IGF1R: variants seen among roughly 807,000 people sequenced by gnomAD.
The protein encoded by IGF1R is insulin like growth factor 1 receptor.
IGF1R carries 44 observed loss-of-function variants against 144.6 expected under a neutral mutation model. The ratio of observed to expected loss-of-function variants is 0.30; its 90% CI spans 0.24 to 0.39. The LOEUF (loss-of-function observed/expected upper bound fraction) is 0.39, where lower values mean the gene tolerates loss of function less well. IGF1R is among the 10% of genes least tolerant of loss of function. The pLI is 1.00. For synonymous variants in IGF1R, 795 were observed against 722.8 expected (o/e 1.10, Z -1.60); for missense variants, 1,355 against 1,833.7 (o/e 0.74, Z 4.77).
At chr15:98,874,341 T>C (rs1278491285) in intron 2 of IGF1R, among the ~76,000 whole-genome samples, 1 of 152,136 alleles carries the variant, frequency 6.6e-6, no homozygotes, top group Non-Finnish European at 1.5e-5. Flanking sequence ...GAAGTCTGTT[T>C]GGCAGGGTGG....
intron 2 of IGF1R, among the ~76,000 whole-genome samples, chr15:98,755,718 C>CAAAAAAAAAAAAAAAAAAAAAA (rs56121011): frequency 8.7e-5 from 3 of 34,504 alleles, no homozygotes; most frequent in African/African-American, 3.1e-4. Context: ...AACTCCATTG[C>CAAAAAAAAAAAAAAAAAAAAAA]AAAAAAAAAA....
intron 2 of IGF1R, among the ~76,000 whole-genome samples, chr15:98,731,539 C>T (rs1026002792): frequency 6.6e-6 from 1 of 152,106 alleles, no homozygotes; most frequent in African/African-American, 2.4e-5. Flanking sequence ...ATCTGTGTAT[C>T]GAAACTGCAG....
At chr15:98,932,971 A>G (rs1323895438) in intron 15 of IGF1R, among the ~76,000 whole-genome samples, 1 of 152,180 alleles carries the variant, frequency 6.6e-6, no homozygotes, top group Non-Finnish European at 1.5e-5. Flanking sequence ...TGGGATATGG[A>G]GATGTTAGGA....
intron 13 of IGF1R, among the ~76,000 whole-genome samples, chr15:98,927,914 G>C (rs1456561999): frequency 6.6e-6 from 1 of 152,156 alleles, no homozygotes; most frequent in Non-Finnish European, 1.5e-5. Flanking sequence ...ACGTCCCAGA[G>C]AGGTCTCAGA....
At chr15:98,773,224 C>T (rs1338106016) in intron 2 of IGF1R, among the ~76,000 whole-genome samples, 1 of 151,998 alleles carries the variant, frequency 6.6e-6, no homozygotes, top group Non-Finnish European at 1.5e-5. Context: ...ATGTACAGTC[C>T]CATCCAGAGA....
At chr15:98,728,456 A>G (rs62024488) in intron 2 of IGF1R, among the ~76,000 whole-genome samples, 47,930 of 152,218 alleles carry the variant, frequency 0.31, 7,750 homozygotes, top group South Asian at 0.39. Context: ...ACCTCCCAGC[A>G]AGAGGGCCTG....
chr15:98,913,162 G>A lies in IGF1R; in HGVS notation c.1708G>A (p.Gly570Arg), dbSNP rs2151677110. 1 of 1,614,204 alleles carries A rather than the reference G, an allele frequency of 6.2e-7. No homozygotes were observed. The highest frequency in any genetic ancestry group is 8.5e-7 in the Non-Finnish European group (1 of 1,180,036). ...KDVEPGILLHGLKPWTQYAVY... is the reference protein window; with the variant it reads ...KDVEPGILLHRLKPWTQYAVY... Reference sequence around the variant, plus strand: ...CGTGGAGCCCGGCATCTTACTACATGGGCTGAAGCCCTGGACTCAGTACGC... The same window carrying A: ...CGTGGAGCCCGGCATCTTACTACATAGGCTGAAGCCCTGGACTCAGTACGC... Residue 570 changes from glycine (G) to arginine (R), a missense_variant, in exon 8 of 21, where the codon GGG (glycine) becomes AGG (arginine). This residue lies in a region of IGF1R where 880 missense variants were observed against 1,202.7 expected (regional missense o/e 0.73). Coordinates refer to ENST00000650285, the MANE Select transcript of IGF1R (RefSeq NM_000875.5).
At chr15:98,873,861 T>C (rs1333622189) in intron 2 of IGF1R, 1 of 152,234 alleles carries the variant, frequency 6.6e-6, no homozygotes, top group Non-Finnish European at 1.5e-5. Flanking sequence ...CACAGGTATG[T>C]TAATGAAAAT....
At chr15:98,739,140 C>G (rs1293419014) in intron 2 of IGF1R, among the ~76,000 whole-genome samples, 1 of 152,198 alleles carries the variant, frequency 6.6e-6, no homozygotes, top group Non-Finnish European at 1.5e-5. Flanking sequence ...CTGGGCTTTT[C>G]GTGCATTTTA....
intron 2 of IGF1R, among the ~76,000 whole-genome samples, chr15:98,885,720 A>G (rs1438569229): frequency 6.6e-6 from 1 of 152,168 alleles, no homozygotes; most frequent in Non-Finnish European, 1.5e-5. Context: ...TTCCTTTAGA[A>G]ATGATTGGGG....
At chr15:98,730,803 G>A (rs1370790930) in intron 2 of IGF1R, among the ~76,000 whole-genome samples, 1 of 151,964 alleles carries the variant, frequency 6.6e-6, no homozygotes, top group African/African-American at 2.4e-5. Flanking sequence ...CAAAAATAAT[G>A]GCAAACTTGA....
chr15:98,890,361 C>T (rs550308569), intron 2 of IGF1R: 2 of 152,334 alleles, frequency 1.3e-5, no homozygotes, highest in Middle Eastern at 3.4e-3. Flanking sequence ...AAGATGGTAA[C>T]GAGAGTGACC....
intron 5 of IGF1R, among the ~76,000 whole-genome samples, chr15:98,907,550 G>A (rs938382884): frequency 6.6e-6 from 1 of 152,254 alleles, no homozygotes; most frequent in African/African-American, 2.4e-5. Context: ...AAGAGGAGAA[G>A]AAGGATTCAC....
rs2151726878 is a variant in IGF1R at position 98,948,754 on chromosome 15, A to AAATACCTGTTTTCTTGGGTCACAGG, written c.3722+48_3722+72dup. On this transcript the variant is annotated intron_variant, in intron 20 of 20. Coordinates refer to ENST00000650285, the MANE Select transcript of IGF1R (RefSeq NM_000875.5). Reference sequence around the variant, plus strand: ...CCGTGCTCTTCTGAGTTCTCTTCTCAAATACCTGTTTTCTTGGGTCACAGG... The same window carrying AAATACCTGTTTTCTTGGGTCACAGG: ...CCGTGCTCTTCTGAGTTCTCTTCTCAAATACCTGTTTTCTTGGGTCACAGGAATACCTGTTTTCTTGGGTCACAGG... 3 of 1,604,182 alleles carry AAATACCTGTTTTCTTGGGTCACAGG rather than the reference A, an allele frequency of 1.9e-6. No homozygotes were observed. In the East Asian group the frequency reaches 6.7e-5, roughly 36 times the overall value.
intron 18 of IGF1R, among the ~76,000 whole-genome samples, chr15:98,940,832 C>T (rs1338102834): frequency 6.6e-6 from 1 of 152,198 alleles, no homozygotes; most frequent in African/African-American, 2.4e-5. Context: ...CAGGATCCAC[C>T]AGTGTGTCCC....
intron 2 of IGF1R, among the ~76,000 whole-genome samples, chr15:98,881,908 A>G (rs2013403832): frequency 6.6e-6 from 1 of 152,250 alleles, no homozygotes; most frequent in South Asian, 2.1e-4. Context: ...TTAACTGTAT[A>G]TTAATACAAA....
At chr15:98,657,714 C>G (rs1411984357) in intron 1 of IGF1R, among the ~76,000 whole-genome samples, 3 of 152,182 alleles carry the variant, frequency 2.0e-5, no homozygotes, top group African/African-American at 7.2e-5. Flanking sequence ...AGCCTTTCTT[C>G]GTCAGGTGAT....
At chr15:98,729,021 T>G (rs2054432877) in intron 2 of IGF1R, among the ~76,000 whole-genome samples, 1 of 152,274 alleles carries the variant, frequency 6.6e-6, no homozygotes, top group African/African-American at 2.4e-5. Context: ...GGGCCAGACA[T>G]GGCACAATGC....
intron 18 of IGF1R, among the ~76,000 whole-genome samples, chr15:98,940,477 C>T (rs2016322654): frequency 6.6e-6 from 1 of 152,230 alleles, no homozygotes; most frequent in South Asian, 2.1e-4. Context: ...AATCTTGGCT[C>T]ACCACAACCT....
Sources: allele counts gnomAD v4.1 joint callset (sites outside exome capture counted in the v4.1 genomes callset), GRCh38; gene constraint gnomAD v4.1.1; regional missense constraint gnomAD v4.1.1; transcripts MANE v1.5; gene names NCBI Gene and HGNC (gene_info 2026-07-23, HGNC 2026-07-21).